The following RSF1 variants were observed in gnomAD, a reference collection of about 807,000 sequenced individuals.
The protein encoded by RSF1 is HBV pX-associated protein 8.
RSF1 carries 13 observed loss-of-function variants against 145.2 expected under a neutral mutation model. The observed-to-expected ratio is 0.09, with a 90% CI of 0.06 to 0.14. The LOEUF (loss-of-function observed/expected upper bound fraction) is 0.14. Among genes scored for constraint, RSF1 ranks in the 10% least tolerant of loss-of-function variants. The probability of loss-of-function intolerance (pLI) is 1.00; values close to 1 mark genes in which losing one functional copy is unlikely to be tolerated. For missense variants in RSF1, 1,517 were observed against 1,718.2 expected (o/e 0.88, Z 2.07); for synonymous variants, 577 against 592.6 (o/e 0.97, Z 0.38).
At chr11:77,791,556 T>A (rs1948517548) in intron 1 of RSF1, among the ~76,000 whole-genome samples, 1 of 152,216 alleles carries the variant, frequency 6.6e-6, no homozygotes, top group African/African-American at 2.4e-5. Flanking sequence ...TTTTATGTGG[T>A]GCTTCCCTTA....
intron 9 of RSF1, 148 bp from the exon 10 acceptor site, chr11:77,685,307 T>G: frequency 4.5e-6 from 2 of 446,402 alleles, no homozygotes; most frequent in Non-Finnish European, 7.8e-6. Context: ...ATTTATTTAT[T>G]TATTTATAGA....
chr11:77,813,474 A>G, intron 1 of RSF1: 1 of 1,042,618 alleles, frequency 9.6e-7, no homozygotes, highest in South Asian at 1.3e-5. Flanking sequence ...CACCACAAGG[A>G]CTTTTTCTGT....
intron 5 of RSF1, among the ~76,000 whole-genome samples, chr11:77,715,789 T>G (rs1458569090): frequency 2.0e-5 from 3 of 152,180 alleles, no homozygotes; most frequent in African/African-American, 4.8e-5. Flanking sequence ...TTTTTTTTCC[T>G]TTTTTGAGAC....
In RSF1 at chr11:77,768,183, GAC is replaced by G. The variant is rs1193492476; in HGVS notation, c.188-3496_188-3495del. Among the ~76,000 whole-genome samples the G allele has an allele frequency of 9.3e-5, 8 of 86,086 alleles. No individual in the cohort carries two copies. The Admixed American group carries it at 1.1e-3, about 12-fold the overall frequency. 56.5% of individuals were successfully genotyped at this position (86,086 alleles called of 152,430 possible). On this transcript the variant is annotated intron_variant, in intron 1 of 15. Coordinates refer to ENST00000308488, the MANE Select transcript of RSF1 (RefSeq NM_016578.4). ...CAGCTTTTTTTTTTTTTTTTTTTGA[GAC>G]AGAGTCTCGTTCTGTCACCCAGACT...
Position 77,692,300 on chromosome 11 carries a change from A to G in RSF1, c.2821-1062T>C, listed in dbSNP as rs1960173983. Among the ~76,000 whole-genome samples the G allele has an allele frequency of 2.6e-5, 2 of 76,998 alleles. 1 individual carries two copies. The highest frequency in any genetic ancestry group is 1.5e-4 in the African/African-American group (2 of 13,104). The allele number at this position is 76,998 out of a possible 152,430, so 50.5% of individuals were successfully genotyped here. A position where few individuals can be genotyped will look rare whatever the true frequency, so the allele number is the denominator to read the frequency against. Reference sequence around the variant, plus strand: ...CGCTCTGTTGCCCAGGCTGGAGTGCAGTGGCGGGATCTCGGCTCACTGCAA... The same window carrying G: ...CGCTCTGTTGCCCAGGCTGGAGTGCGGTGGCGGGATCTCGGCTCACTGCAA... On this transcript the variant is annotated intron_variant, in intron 8 of 15. Coordinates refer to ENST00000308488, the MANE Select transcript of RSF1 (RefSeq NM_016578.4).
chr11:77,756,369 A>G (rs1948116272), intron 2 of RSF1, among the ~76,000 whole-genome samples: 1 of 152,070 alleles, frequency 6.6e-6, no homozygotes, highest in Non-Finnish European at 1.5e-5. Flanking sequence ...AAAAAAAAAA[A>G]AAAAAAAGAA....
At chr11:77,689,573 T>C (rs925729478) in intron 9 of RSF1, among the ~76,000 whole-genome samples, 1 of 152,236 alleles carries the variant, frequency 6.6e-6, no homozygotes, top group African/African-American at 2.4e-5. Flanking sequence ...TGTTCCTGTA[T>C]TGCTTTTAAT....
chr11:77,840,266 C>T, the RSF1 span, among the ~76,000 whole-genome samples: 3 of 152,162 alleles, frequency 2.0e-5, no homozygotes, highest in African/African-American at 7.2e-5. Context: ...AAGTGGCTCA[C>T]GCCTGTAATC....
chr11:77,755,138 G>C (rs1948102688), intron 2 of RSF1, among the ~76,000 whole-genome samples: 1 of 152,210 alleles, frequency 6.6e-6, no homozygotes, highest in Non-Finnish European at 1.5e-5. Flanking sequence ...GGGGAAAATA[G>C]TATGATCTGA....
intron 7 of RSF1, 66 bp from the exon 8 acceptor site, chr11:77,693,677 G>A: frequency 1.6e-5 from 18 of 1,091,946 alleles, no homozygotes; most frequent in Non-Finnish European, 2.2e-5. Context: ...GGTTAAAGAC[G>A]TTTCAATATC....
chr11:77,706,553 C>T (rs1034435323), intron 5 of RSF1, among the ~76,000 whole-genome samples: 12 of 152,092 alleles, frequency 7.9e-5, no homozygotes, highest in African/African-American at 2.4e-4. Flanking sequence ...TCAGCCACAT[C>T]GGAAAATTCA....
At chr11:77,670,273 T>G (rs968796803) in intron 15 of RSF1, among the ~76,000 whole-genome samples, 1 of 152,210 alleles carries the variant, frequency 6.6e-6, no homozygotes, top group African/African-American at 2.4e-5. Context: ...TTGCTGAACA[T>G]GACAAGCACA....
Position 77,700,981 on chromosome 11 carries a change from G to A in RSF1, c.2248C>T (p.Pro750Ser). ...SSRKKKPDSP[P>S]KVLEPENKQE... is the part of the protein sequence containing the mutation. ...TTGTTTTCTGGTTCTAGAACTTTGG[G>A]GGGAGAATCGGGCTTCTTTTTCCGA... Residue 750 changes from proline to serine, a missense_variant, in exon 6 of 16, where the codon CCC becomes TCC. This residue lies in a region of RSF1 where 579 missense variants were observed against 553.5 expected (regional missense o/e 1.05). Transcript: ENST00000308488. 1 of 1,613,400 alleles carries A rather than the reference G, an allele frequency of 6.2e-7. No homozygotes were observed. The highest frequency in any genetic ancestry group is 1.1e-5 in the South Asian group (1 of 91,066).
the RSF1 span, among the ~76,000 whole-genome samples, chr11:77,848,588 G>C: frequency 6.6e-6 from 1 of 152,176 alleles, no homozygotes; most frequent in Non-Finnish European, 1.5e-5. Flanking sequence ...TCGAACGCCT[G>C]ACCTCAGGTG....
At chr11:77,733,181 T>C (rs1961250790) in intron 4 of RSF1, among the ~76,000 whole-genome samples, 1 of 152,238 alleles carries the variant, frequency 6.6e-6, no homozygotes, top group Admixed American at 6.5e-5. Context: ...ATTTTACATA[T>C]ACAAGAAGGT....
intron 3 of RSF1, among the ~76,000 whole-genome samples, chr11:77,744,119 C>T (rs1947971880): frequency 6.6e-6 from 1 of 152,126 alleles, no homozygotes; most frequent in Admixed American, 6.5e-5. Flanking sequence ...ACCTCTGCCT[C>T]CCGAGCTCAA....
Position 77,774,155 on chromosome 11 carries a change from T to C in RSF1, c.188-9466A>G, listed in dbSNP as rs192139415. On this transcript the variant is annotated intron_variant, in intron 1 of 15. Transcript: ENST00000308488. ...TAAGCACAGCCACCTGCCTTTTTCA[T>C]CACTGTATTCCCAGCACCAAGCACA... Among the ~76,000 whole-genome samples, 664 of 152,316 alleles carry C rather than the reference T, an allele frequency of 4.4e-3. 4 individuals carry two copies. The highest frequency in any genetic ancestry group is 0.015 in the African/African-American group (629 of 41,566).
At chr11:77,736,684 C>G (rs1234662082) in intron 4 of RSF1, among the ~76,000 whole-genome samples, 2 of 152,178 alleles carry the variant, frequency 1.3e-5, no homozygotes, top group Non-Finnish European at 2.9e-5. Context: ...TAGAACATCT[C>G]ACTTATAATA....
At chr11:77,796,954 G>T (rs1187121767) in intron 1 of RSF1, among the ~76,000 whole-genome samples, 1 of 152,128 alleles carries the variant, frequency 6.6e-6, no homozygotes, top group Non-Finnish European at 1.5e-5. Context: ...AGTTACAAAG[G>T]ATGTGAAGGA....
Sources: gnomAD v4.1 joint callset for allele counts (sites outside exome capture counted in the v4.1 genomes callset) on GRCh38, gnomAD v4.1.1 for gene constraint, gnomAD v4.1.1 regional missense constraint, MANE v1.5 for transcripts, NCBI Gene and HGNC (gene_info 2026-07-23, HGNC 2026-07-21) for gene names.